Variants in RORA observed in about 807,000 individuals in gnomAD.
The protein encoded by RORA is nuclear receptor ROR-alpha.
RORA carries 7 observed loss-of-function variants against 69.5 expected under a neutral mutation model. The ratio of observed to expected loss-of-function variants is 0.10; its 90% CI spans 0.06 to 0.19. The LOEUF (loss-of-function observed/expected upper bound fraction) is 0.19, where lower values mean the gene tolerates loss of function less well. RORA is among the 10% of genes least tolerant of loss of function. The pLI is 1.00. For synonymous variants in RORA, 261 were observed against 240.8 expected (o/e 1.08, Z -0.78); for missense variants, 457 against 663.0 (o/e 0.69, Z 3.41).
At chr15:61,009,249 G>T (rs1252673105) in intron 1 of RORA, among the ~76,000 whole-genome samples, 2 of 152,176 alleles carry the variant, frequency 1.3e-5, no homozygotes, top group African/African-American at 4.8e-5. Context: ...CATTCCGGGG[G>T]AGGGATGGGT....
At position 60,516,057 on chromosome 15, in the gene RORA, T is replaced by TTATATATTTATATATATTTA. The variant is rs2065899188; in HGVS notation, c.283-1301_283-1300insTAAATATATATAAATATATA. 1.5e-3 allele frequency among the ~76,000 whole-genome samples: 9 copies of TTATATATTTATATATATTTA among 6,094 alleles called. 2 individuals carry two copies. The highest frequency in any genetic ancestry group is 3.6e-3 in the African/African-American group (8 of 2,232). The allele number at this position is 6,094 out of a possible 152,430, so 4.0% of individuals were successfully genotyped here. On this transcript the variant is annotated intron_variant, in intron 3 of 10. Transcript: ENST00000335670. ...TATATATTTATATATTTATATATAT[T>TTATATATTTATATATATTTA]TATATATATTTATATATATTTATTT...
intron 1 of RORA, among the ~76,000 whole-genome samples, chr15:60,807,829 T>C (rs1328333126): frequency 6.6e-6 from 1 of 152,104 alleles, no homozygotes; most frequent in African/African-American, 2.4e-5. Flanking sequence ...GTGGAGAAAG[T>C]ACACCCTGTT....
Sources: allele counts gnomAD v4.1 joint callset (sites outside exome capture counted in the v4.1 genomes callset), GRCh38; gene constraint gnomAD v4.1.1; transcripts MANE v1.5; gene names NCBI Gene and HGNC (gene_info 2026-07-23, HGNC 2026-07-21).